Variants in LIPA observed in about 807,000 individuals in gnomAD.
LIPA encodes the protein lysosomal acid lipase/cholesteryl ester hydrolase.
Under a neutral mutation model 40.6 loss-of-function variants are expected in LIPA, and 26 were observed. The ratio of observed to expected loss-of-function variants is 0.64; its 90% CI spans 0.47 to 0.89. The LOEUF (loss-of-function observed/expected upper bound fraction) is 0.89, where lower values mean the gene tolerates loss of function less well. Ranked by LOEUF, LIPA falls within the 40% of genes least tolerant of loss-of-function variation. The pLI, the probability that LIPA is intolerant of heterozygous loss-of-function variation, is 0.00. For synonymous variants in LIPA, 188 were observed against 168.4 expected (o/e 1.12, Z -0.90); for missense variants, 455 against 479.6 (o/e 0.95, Z 0.48).
chr10:89,310,777 A>T (rs555479495), intron 1 of LIPA, among the ~76,000 whole-genome samples: 1 of 152,192 alleles, frequency 6.6e-6, no homozygotes, highest in Non-Finnish European at 1.5e-5. Context: ...ACAAATCCCA[A>T]ACAGTTCTGC....
In LIPA at chr10:89,355,980, CTT is replaced by C. The variant is rs367871396; in HGVS notation, c.61+56809_61+56810del. On this transcript the variant is annotated intron_variant, in intron 2 of 8. Coordinates refer to the LIPA transcript ENST00000371837. ...TGTGTAGCATATAATCAAGAAATAA[CTT>C]TAAGTATACACAGTTGAAAAGCCCA... Among the ~76,000 whole-genome samples, 699 of 152,274 alleles carry C rather than the reference CTT, an allele frequency of 4.6e-3. 2 individuals carry two copies. The highest frequency in any genetic ancestry group is 7.9e-3 in the Non-Finnish European group (536 of 68,018).
intron 1 of LIPA, among the ~76,000 whole-genome samples, chr10:89,330,809 A>G (rs1305597725): frequency 6.6e-6 from 1 of 152,204 alleles, no homozygotes; most frequent in Admixed American, 6.5e-5. Context: ...AAAGGGGAAA[A>G]CTGCTTTTTA....
In LIPA at chr10:89,237,880, C is replaced by A. The variant is rs191650813; in HGVS notation, c.229+7796G>T. ...CCCCCAAACACATCTTTAATTCAGT[C>A]TCTAAATCAGGAGGTCATAAGGACC... On this transcript the variant is annotated intron_variant, in intron 3 of 9. Transcript: ENST00000336233. 3.3e-3 allele frequency among the ~76,000 whole-genome samples: 501 copies of A among 152,262 alleles called. 1 individual carries two copies. Among genetic ancestry groups the A allele is most frequent in the African/African-American group, 0.012 (479 of 41,522 alleles).
chr10:89,366,299 T>A (rs530948126), intron 2 of LIPA, among the ~76,000 whole-genome samples: 3 of 152,178 alleles, frequency 2.0e-5, no homozygotes, highest in Non-Finnish European at 4.4e-5. Context: ...ATTGATTTTG[T>A]ATCCTGAGAC....
At chr10:89,225,379 G>GT in intron 5 of LIPA, 151 bp from the exon 6 acceptor site, 1 of 909,152 alleles carries the variant, frequency 1.1e-6, no homozygotes, top group Non-Finnish European at 1.8e-6. Context: ...CTTGACATGG[G>GT]GCACTCTGAA....
intron 1 of LIPA, chr10:89,309,297 C>T (rs1047152766): frequency 2.6e-5 from 4 of 152,168 alleles, no homozygotes; most frequent in Admixed American, 6.5e-5. Flanking sequence ...TGGACGCAAT[C>T]CAAATGCATG....
chr10:89,386,873 A>C (rs1294765306), intron 2 of LIPA, among the ~76,000 whole-genome samples: 1 of 151,634 alleles, frequency 6.6e-6, no homozygotes, highest in Admixed American at 6.6e-5. Context: ...CCTTCCCACC[A>C]CTCCAGGTAC....
At chr10:89,234,321 A>G (rs1842878508) in intron 3 of LIPA, among the ~76,000 whole-genome samples, 2 of 152,188 alleles carry the variant, frequency 1.3e-5, no homozygotes, top group African/African-American at 2.4e-5. Flanking sequence ...GGGAATAGGA[A>G]GGACTTCATG....
At chr10:89,365,097 T>C (rs191013749) in intron 2 of LIPA, among the ~76,000 whole-genome samples, 127 of 152,320 alleles carry the variant, frequency 8.3e-4, no homozygotes, top group East Asian at 9.6e-4. Context: ...GAGCCCTTCA[T>C]GTAGCTGACA....
intron 1 of LIPA, among the ~76,000 whole-genome samples, chr10:89,289,731 G>A (rs182353700): frequency 2.6e-4 from 39 of 152,250 alleles, no homozygotes; most frequent in African/African-American, 8.4e-4. Context: ...GTCTCTGTTT[G>A]AACGGATAGA....
intron 3 of LIPA, among the ~76,000 whole-genome samples, chr10:89,241,021 G>A (rs769464667): frequency 6.6e-6 from 1 of 152,142 alleles, no homozygotes; most frequent in South Asian, 2.1e-4. Flanking sequence ...TCTTAATTGC[G>A]ATGGAGAAAA....
intron 1 of LIPA, chr10:89,339,717 T>C: frequency 6.2e-7 from 1 of 1,614,224 alleles, no homozygotes; most frequent in Non-Finnish European, 8.5e-7. Flanking sequence ...AAGTCCCTGA[T>C]GCTGAAAAGC....
chr10:89,294,372 T>C (rs1843396164), intron 1 of LIPA, among the ~76,000 whole-genome samples: 1 of 152,192 alleles, frequency 6.6e-6, no homozygotes, highest in South Asian at 2.1e-4. Context: ...GGCTGGAAAG[T>C]CCAAGATCAA....
At chr10:89,220,945 A>C in intron 8 of LIPA, among the ~76,000 whole-genome samples, 1 of 152,194 alleles carries the variant, frequency 6.6e-6, no homozygotes, top group East Asian at 1.9e-4. Flanking sequence ...AAGTATTCTG[A>C]GTGGAAGAAG....
chr10:89,356,939 ACTTTCTAGCTCTT>A (rs1843991929), intron 2 of LIPA, among the ~76,000 whole-genome samples: 1 of 152,114 alleles, frequency 6.6e-6, no homozygotes, highest in Non-Finnish European at 1.5e-5. Context: ...GACTGAACTC[ACTTTCTAGCTCTT>A]CTTCCCTCCC....
At chr10:89,274,287 G>A (rs1843279306) in intron 1 of LIPA, among the ~76,000 whole-genome samples, 1 of 152,186 alleles carries the variant, frequency 6.6e-6, no homozygotes, top group Non-Finnish European at 1.5e-5. Flanking sequence ...AAGAACACAG[G>A]AAACTCACCT....
At chr10:89,313,366 C>G (rs899440887) in intron 1 of LIPA, among the ~76,000 whole-genome samples, 5 of 152,172 alleles carry the variant, frequency 3.3e-5, no homozygotes, top group Admixed American at 6.5e-5. Flanking sequence ...CTTCCTACAG[C>G]CTTCTCTCTC....
intron 1 of LIPA, among the ~76,000 whole-genome samples, chr10:89,250,098 C>CTTTCTTTTTTTTTTTTTTTTTTTTT (rs1564767178): frequency 3.0e-5 from 3 of 101,682 alleles, no homozygotes; most frequent in East Asian, 2.6e-4. Flanking sequence ...TTTTTCTTTT[C>CTTTCTTTTTTTTTTTTTTTTTTTTT]TTTTCTTTCT....
chr10:89,397,442 G>A (rs1045324735), intron 2 of LIPA, among the ~76,000 whole-genome samples: 2 of 151,906 alleles, frequency 1.3e-5, no homozygotes, highest in Admixed American at 6.6e-5. Flanking sequence ...TTCAGAAATT[G>A]TGTCCTCATC....
Sources: gnomAD v4.1 joint callset for allele counts (sites outside exome capture counted in the v4.1 genomes callset) on GRCh38, gnomAD v4.1.1 for gene constraint, MANE v1.5 for transcripts, NCBI Gene and HGNC (gene_info 2026-07-23, HGNC 2026-07-21) for gene names.